DSP: variants seen among roughly 807,000 people sequenced by gnomAD.
The protein encoded by DSP is 250/210 kDa paraneoplastic pemphigus antigen.
DSP carries 114 observed loss-of-function variants against 290.6 expected under a neutral mutation model. The observed-to-expected ratio is 0.39, with a 90% CI of 0.34 to 0.46. The LOEUF (loss-of-function observed/expected upper bound fraction) is 0.46. Ranked by LOEUF, DSP falls within the 20% of genes least tolerant of loss-of-function variation. DSP has a pLI of 0.99. For synonymous variants in DSP, 1,311 were observed against 1,316.4 expected, an observed-to-expected ratio of 1.00 and a Z score of 0.09; for missense variants, 3,230 against 3,495.8, an observed-to-expected ratio of 0.92 and a Z score of 1.92.
intron 20 of DSP, among the ~76,000 whole-genome samples, 159 bp from the exon 21 acceptor site, chr6:7,577,620 G>A (rs1241317219): frequency 2.6e-5 from 4 of 152,166 alleles, no homozygotes; most frequent in Non-Finnish European, 4.4e-5. Flanking sequence ...GAGCCACCAC[G>A]CTAATGTAGT....
Position 7,565,292 on chromosome 6 carries a change from A to G in DSP, c.778-67A>G. On this transcript the variant is annotated intron_variant, in intron 6 of 23. Transcript: ENST00000379802. The surrounding 1 kb of genome is among the most constrained non-coding windows in gnomAD (Gnocchi z 4.2). ...TAAAGGGACCACAGGTTTAATCTTT[A>G]AACCTGCAGAGAACACCAGTCACTG... is the stretch of plus-strand genomic sequence containing the variant. 1 of 1,587,938 alleles carries G rather than the reference A, an allele frequency of 6.3e-7. No homozygotes were observed. The highest frequency in any genetic ancestry group is 8.6e-7 in the Non-Finnish European group (1 of 1,159,966).
rs1183535907 is a variant in DSP, at chr6:7,570,427, T to C, written c.1575-10T>C. 6.2e-7 allele frequency: 1 copy of C among 1,614,090 alleles called. No homozygotes were observed. The highest frequency in any genetic ancestry group is 1.3e-5 in the African/African-American group (1 of 74,950). ...CTGGCTCTAGCATGTTTTCCCTTTG[T>C]GCCTCTTAGGATTGAGCAGTACTAC... On this transcript the variant is annotated splice_polypyrimidine_tract_variant and intron_variant, in intron 12 of 23. Coordinates refer to ENST00000379802, the MANE Select transcript of DSP (RefSeq NM_004415.4).
At chr6:7,563,945 GTTTTCTTTTCTTT>G (rs1213060737) in intron 6 of DSP, among the ~76,000 whole-genome samples, 159 bp downstream of exon 6, 2 of 152,118 alleles carry the variant, frequency 1.3e-5, no homozygotes, top group Non-Finnish European at 2.9e-5. Flanking sequence ...TTTAAAAGTT[GTTTTCTTTTCTTT>G]TTTTCTTTTA....
At chr6:7,562,443 A>C (rs1758725113) in intron 4 of DSP, among the ~76,000 whole-genome samples, 1 of 150,044 alleles carries the variant, frequency 6.7e-6, no homozygotes. Context: ...TTCTCTGCCC[A>C]TCTTGAGCTG....
chr6:7,545,875 T>C (rs996473782), intron 1 of DSP, among the ~76,000 whole-genome samples: 2 of 152,238 alleles, frequency 1.3e-5, no homozygotes, highest in South Asian at 2.1e-4. Flanking sequence ...GCGAAGCCTG[T>C]GGAGTGATCT....
In DSP at chr6:7,580,501, C is replaced by T. The variant is rs781353867; in HGVS notation, c.4311C>T (p.Gly1437=). ...EEDIQQQKAT[G]SEVSQRKQQL... is the part of the protein sequence containing the mutation. ...ACATCCAACAGCAAAAGGCCACTGGCTCTGAGGTGTCTCAGAGGAAACAGC... is the reference window on the plus strand; with the variant it reads ...ACATCCAACAGCAAAAGGCCACTGGTTCTGAGGTGTCTCAGAGGAAACAGC... The change falls in exon 23 of 24, where the codon GGC becomes GGT. Residue 1437 remains glycine (G), a synonymous_variant. Coordinates refer to ENST00000379802, the MANE Select transcript of DSP (RefSeq NM_004415.4). This position sits in a 1 kb window ranked among gnomAD's most constrained non-coding sequence, Gnocchi z 4.2. 6.2e-7 allele frequency: 1 copy of T among 1,614,076 alleles called. No homozygotes were observed. Among genetic ancestry groups the T allele is most frequent in the Non-Finnish European group, 8.5e-7 (1 of 1,180,016 alleles).
intron 15 of DSP, 41 bp from the exon 16 acceptor site, chr6:7,574,042 AAAG>A (rs764362312): frequency 6.2e-7 from 1 of 1,606,656 alleles, no homozygotes; most frequent in South Asian, 1.1e-5. Context: ...ACAGTAATAA[AAAG>A]AATCAGCTAA....
chr6:7,542,098 C>T lies in DSP; in HGVS notation c.170+13C>T. ...CGGACGGCTACTGGTGGGTACCTGCCCGGAGAGCGCGGGCTGCGGGGCTCG... is the reference window on the plus strand; with the variant it reads ...CGGACGGCTACTGGTGGGTACCTGCTCGGAGAGCGCGGGCTGCGGGGCTCG... On this transcript the variant is annotated intron_variant, in intron 1 of 23. Coordinates refer to ENST00000379802, the MANE Select transcript of DSP (RefSeq NM_004415.4). The T allele has an allele frequency of 6.4e-7, 1 of 1,554,322 alleles. No individual in the cohort carries two copies. The highest frequency in any genetic ancestry group is 8.7e-7 in the Non-Finnish European group (1 of 1,149,092).
Position 7,585,605 on chromosome 6 carries a change from A to G in DSP, c.8343A>G (p.Leu2781=). ...AKILTCPKTK[L]KISYKDAINR... is the part of the protein sequence containing the mutation. ...TCCTGACCTGCCCCAAAACCAAATT[A>G]AAAATATCCTATAAGGATGCCATAA... The change falls in exon 24 of 24, where the codon TTA becomes TTG. Residue 2781 remains leucine, a synonymous_variant. Transcript: ENST00000379802. 6.2e-7 allele frequency: 1 copy of G among 1,614,204 alleles called. No individual in the cohort carries two copies.
chr6:7,579,887 A>G lies in DSP; in HGVS notation c.3697A>G (p.Lys1233Glu). 1.2e-6 allele frequency: 2 copies of G among 1,614,200 alleles called. No homozygotes were observed. Among genetic ancestry groups the G allele is most frequent in the Non-Finnish European group, 1.7e-6 (2 of 1,180,046 alleles). ...ATCCATGCAAAAAGAGGATGATTCC[A>G]AAAATCTTAGAAACCAGCTTGATAG... Reference protein sequence around the residue: ...EISMQKEDDSKNLRNQLDRLS... With the variant: ...EISMQKEDDSENLRNQLDRLS... The change falls in exon 23 of 24, where the codon AAA (lysine) becomes GAA (glutamate). Residue 1233 changes from lysine to glutamate, a missense_variant. This residue lies in a region of DSP where 1,714 missense variants were observed against 1,844.5 expected (regional missense o/e 0.93). Transcript: ENST00000379802. The surrounding 1 kb of genome is among the most constrained non-coding windows in gnomAD (Gnocchi z 4.1).
In DSP at chr6:7,579,886, CA is replaced by C; in HGVS notation, c.3701del (p.Asn1234IlefsTer16). 1 of 1,614,020 alleles carries C rather than the reference CA, an allele frequency of 6.2e-7. No individual in the cohort carries two copies. The highest frequency in any genetic ancestry group is 8.5e-7 in the Non-Finnish European group (1 of 1,180,024). On this transcript the variant is annotated frameshift_variant, in exon 23 of 24. Transcript: ENST00000379802. LOFTEE classifies it high-confidence loss of function. This position sits in a 1 kb window ranked among gnomAD's most constrained non-coding sequence, Gnocchi z 4.1. ...TATCCATGCAAAAAGAGGATGATTC[CA>C]AAAATCTTAGAAACCAGCTTGATAG... is the stretch of plus-strand genomic sequence containing the variant. ...EISMQKEDDS[K>X]NLRNQLDRLS...
At chr6:7,577,932 C>T in intron 21 of DSP, 46 bp downstream of exon 21, 1 of 1,469,930 alleles carries the variant, frequency 6.8e-7, no homozygotes. Flanking sequence ...CCTCCTTCTG[C>T]TTCTTCCCTT....
At position 7,585,522 on chromosome 6, in the gene DSP, G is replaced by A. The variant is rs2113704632; in HGVS notation, c.8260G>A (p.Gly2754Arg). 1 of 1,614,168 alleles carries A rather than the reference G, an allele frequency of 6.2e-7. No individual in the cohort carries two copies. Among genetic ancestry groups the A allele is most frequent in the South Asian group, 1.1e-5 (1 of 91,078 alleles). The change falls in exon 24 of 24, where the codon GGG becomes AGG. Residue 2754 changes from glycine to arginine, a missense_variant. Around this residue, in one of 5 missense-constraint regions of DSP, gnomAD observed 582 missense variants for 555.4 expected, o/e 1.05. Coordinates refer to ENST00000379802, the MANE Select transcript of DSP (RefSeq NM_004415.4). ...AAGCACCGAAGAAGCCATCCGGAAG[G>A]GGTTCATAGATGGCCGCGCCGCACA... ...RISTEEAIRKGFIDGRAAQRL... is the reference protein window; with the variant it reads ...RISTEEAIRKRFIDGRAAQRL...
Position 7,579,954 on chromosome 6 carries a change from G to C in DSP, c.3764G>C (p.Arg1255Thr), listed in dbSNP as rs777407386. 4 of 1,614,150 alleles carry C rather than the reference G, an allele frequency of 2.5e-6. No individual in the cohort carries two copies. In the East Asian group the frequency reaches 8.9e-5, roughly 36 times the overall value. The part of the protein sequence containing the change: ...ENRDLKDEIV[R>T]LNDSILQATE... The stretch of plus-strand genomic sequence containing the variant: ...CGAGATCTGAAGGATGAAATTGTCA[G>C]GCTCAATGACAGCATCTTGCAGGCC... The change falls in exon 23 of 24, where the codon AGG becomes ACG. Residue 1255 changes from arginine to threonine, a missense_variant. Around this residue, in one of 5 missense-constraint regions of DSP, gnomAD observed 1,714 missense variants for 1,844.5 expected, o/e 0.93. Transcript: ENST00000379802. The surrounding 1 kb of genome is among the most constrained non-coding windows in gnomAD (Gnocchi z 4.1).
intron 3 of DSP, 118 bp from the exon 4 acceptor site, chr6:7,559,108 C>T (rs1758592969): frequency 8.5e-7 from 1 of 1,170,704 alleles, no homozygotes; most frequent in Non-Finnish European, 1.2e-6. Context: ...CTTCAAATAC[C>T]ATAAAACATT....
rs1165361199 is a variant in DSP, at chr6:7,586,388, T to C, written c.*510T>C. ...GAATGAGTCTCCTTTAGTTTCAGAGTGTGGATTGTATAACCCATATACTCT... is the reference window on the plus strand; with the variant it reads ...GAATGAGTCTCCTTTAGTTTCAGAGCGTGGATTGTATAACCCATATACTCT... On this transcript the variant is annotated 3_prime_UTR_variant, in exon 24 of 24. Transcript: ENST00000379802. The C allele has an allele frequency of 5.9e-5, 10 of 168,932 alleles. No homozygotes were observed. Among genetic ancestry groups the C allele is most frequent in the Admixed American group, 5.7e-4 (10 of 17,624 alleles). The allele number at this position is 168,932 out of a possible 1,614,324, so 10.5% of individuals were successfully genotyped here. A position where few individuals can be genotyped will look rare whatever the true frequency, so the allele number is the denominator to read the frequency against.
In DSP at chr6:7,567,348, T is replaced by C; in HGVS notation, c.1045-6T>C. On this transcript the variant is annotated splice_polypyrimidine_tract_variant and splice_region_variant and intron_variant, in intron 8 of 23. Transcript: ENST00000379802. ...GGCTAAGACAGCTGACATTTTCTTG[T>C]TTCAGGCCTATATGGACACTCTGCA... is the stretch of plus-strand genomic sequence containing the variant. The C allele has an allele frequency of 6.2e-7, 1 of 1,613,440 alleles. No individual in the cohort carries two copies. The highest frequency in any genetic ancestry group is 1.3e-5 in the African/African-American group (1 of 75,034).
Position 7,585,371 on chromosome 6 carries a change from A to G in DSP, c.8109A>G (p.Gly2703=), listed in dbSNP as rs78736738. ...TCATAGGCTTCGAGGGTGTGAAGGG[A>G]AAGAAGAAGATGTCAGCAGCAGAGG... is the stretch of plus-strand genomic sequence containing the variant. The part of the protein sequence containing the change: ...KAFIGFEGVK[G]KKKMSAAEAV... The change falls in exon 24 of 24, where the codon GGA becomes GGG. Residue 2703 remains glycine (G), a synonymous_variant. Coordinates refer to ENST00000379802, the MANE Select transcript of DSP (RefSeq NM_004415.4). 3.5e-5 allele frequency: 56 copies of G among 1,614,062 alleles called. No individual in the cohort carries two copies. Among genetic ancestry groups the G allele is most frequent in the Non-Finnish European group, 4.7e-5 (56 of 1,179,958 alleles).
At chr6:7,557,044 G>C (rs1232837237) in intron 2 of DSP, among the ~76,000 whole-genome samples, 1 of 152,114 alleles carries the variant, frequency 6.6e-6, no homozygotes, top group Non-Finnish European at 1.5e-5. Context: ...AAACAGGTTA[G>C]GGAAATAGTG....
Sources: gnomAD v4.1 joint callset for allele counts (sites outside exome capture counted in the v4.1 genomes callset) on GRCh38, gnomAD v4.1.1 for gene constraint, gnomAD v4.1.1 regional missense constraint, Gnocchi (gnomAD v3.1) non-coding constraint, MANE v1.5 for transcripts, NCBI Gene and HGNC (gene_info 2026-07-23, HGNC 2026-07-21) for gene names.